Variants in NPEPPS observed in about 807,000 individuals in gnomAD.
NPEPPS encodes the protein puromycin-sensitive aminopeptidase.
In NPEPPS, 14 loss-of-function variants were observed where a neutral mutation model predicts 115.5. The observed-to-expected ratio is 0.12, with a 90% confidence interval of 0.08 to 0.19. The LOEUF is 0.19. NPEPPS is among the 10% of genes least tolerant of loss of function. The pLI is 1.00. For missense variants in NPEPPS, 523 were observed against 1,110.8 expected (o/e 0.47, Z 7.52); for synonymous variants, 285 against 390.6 (o/e 0.73, Z 3.19).
intron 2 of NPEPPS, among the ~76,000 whole-genome samples, chr17:47,556,557 G>A (rs878880948): frequency 2.0e-5 from 3 of 152,000 alleles, no homozygotes; most frequent in Non-Finnish European, 4.4e-5. Flanking sequence ...CGACAAAACC[G>A]CCATCGTCAT....
intron 13 of NPEPPS, 111 bp downstream of exon 13, chr17:47,596,573 G>C: frequency 1.9e-6 from 1 of 522,244 alleles, no homozygotes; most frequent in Non-Finnish European, 3.3e-6. Context: ...ATTTAAACCA[G>C]CCCTGTTACT....
At chr17:47,568,405 A>G (rs1208369324) in intron 2 of NPEPPS, among the ~76,000 whole-genome samples, 1 of 152,078 alleles carries the variant, frequency 6.6e-6, no homozygotes, top group African/African-American at 2.4e-5. Flanking sequence ...TCTTGACCTC[A>G]GGTGATCCAC....
chr17:47,534,661 G>A (rs577046041), intron 1 of NPEPPS, among the ~76,000 whole-genome samples: 8 of 152,072 alleles, frequency 5.3e-5, no homozygotes, highest in South Asian at 2.1e-4. Flanking sequence ...TGCCCCTGCC[G>A]GGTTCAAGCG....
At chr17:47,524,922 A>G (rs2143630406) in intron 1 of NPEPPS, among the ~76,000 whole-genome samples, 1 of 142,110 alleles carries the variant, frequency 7.0e-6, no homozygotes, top group South Asian at 2.2e-4. Context: ...TTAACTTTTT[A>G]TTGATATATA....
intron 4 of NPEPPS, chr17:47,581,165 C>T (rs1459852667): frequency 4.0e-5 from 6 of 151,680 alleles, no homozygotes; most frequent in Non-Finnish European, 8.8e-5. Context: ...TTTCTTCTTC[C>T]TTTGTAGGTA....
At chr17:47,568,157 C>CTT (rs758924751) in intron 2 of NPEPPS, among the ~76,000 whole-genome samples, 23 of 142,926 alleles carry the variant, frequency 1.6e-4, no homozygotes, top group Non-Finnish European at 2.0e-4. Context: ...CTACCTTATA[C>CTT]TTTTTTTTTT....
intron 5 of NPEPPS, among the ~76,000 whole-genome samples, chr17:47,584,979 C>G (rs926518206): frequency 2.6e-5 from 4 of 152,236 alleles, no homozygotes; most frequent in Admixed American, 6.5e-5. Context: ...AGGCACCCCC[C>G]ACCATGCCTG....
chr17:47,621,490 A>G (rs894452259), intron 22 of NPEPPS, among the ~76,000 whole-genome samples: 1 of 152,214 alleles, frequency 6.6e-6, no homozygotes, highest in Non-Finnish European at 1.5e-5. Flanking sequence ...TCCAAAGACT[A>G]TATTTACCAC....
rs764214996 is a variant in NPEPPS at position 47,601,642 on chromosome 17, A to G, written c.1635A>G (p.Thr545=). 4 of 1,612,588 alleles carry G rather than the reference A, an allele frequency of 2.5e-6. No individual in the cohort carries two copies. In the South Asian group the frequency reaches 3.3e-5, roughly 13 times the overall value. ...EDCPQWMVPI[T]ISTSEDPNQA... ...GTCCCCAGTGGATGGTCCCTATCACAATCTCTACTAGTGAAGACCCCAACC... is the reference window on the plus strand; with the variant it reads ...GTCCCCAGTGGATGGTCCCTATCACGATCTCTACTAGTGAAGACCCCAACC... The change falls in exon 15 of 23, where the codon ACA becomes ACG. Residue 545 remains threonine (T), a synonymous_variant. Transcript: ENST00000322157.
intron 19 of NPEPPS, among the ~76,000 whole-genome samples, chr17:47,618,047 T>C (rs1424384449): frequency 6.6e-6 from 1 of 151,090 alleles, no homozygotes; most frequent in African/African-American, 2.4e-5. Context: ...CTAATTTTTT[T>C]TTTTTGTATT....
At chr17:47,529,918 TTTTATTTATTTA>T (rs200538359), upstream of NPEPPS, among the ~76,000 whole-genome samples, 2 of 58,368 alleles carry the variant, frequency 3.4e-5, 1 homozygote, top group Non-Finnish European at 9.0e-5. Flanking sequence ...AAACATCCCA[TTTTATTTATTTA>T]TTTATTTATT....
intron 19 of NPEPPS, among the ~76,000 whole-genome samples, chr17:47,615,400 T>C (rs1279592622): frequency 6.6e-6 from 1 of 152,068 alleles, no homozygotes; most frequent in African/African-American, 2.4e-5. Flanking sequence ...ATAAAAGTTA[T>C]ATTTGGGAGA....
chr17:47,596,491 T>C, intron 13 of NPEPPS, 29 bp downstream of exon 13: 4 of 1,412,762 alleles, frequency 2.8e-6, no homozygotes, highest in Non-Finnish European at 3.9e-6. Context: ...TCCATTTGTC[T>C]GATATTGTAT....
chr17:47,595,529 T>C (rs1284189406), intron 12 of NPEPPS, among the ~76,000 whole-genome samples: 1 of 152,208 alleles, frequency 6.6e-6, no homozygotes, highest in African/African-American at 2.4e-5. Context: ...ATTAGAATGA[T>C]TAAGTATATC....
rs185092856 is a variant in NPEPPS at position 47,621,758 on chromosome 17, T to C, written c.2608-10T>C. The C allele has an allele frequency of 8.1e-6, 13 of 1,601,438 alleles. No homozygotes were observed. In the African/African-American group the frequency reaches 1.5e-4, roughly 18 times the overall value. On this transcript the variant is annotated splice_polypyrimidine_tract_variant and intron_variant, in intron 22 of 22. Transcript: ENST00000322157. ...GTAATGATCCTGCATTCTGGGTTGT[T>C]TTATACCAGGCTTTCTTCGAGAGTC...
intron 6 of NPEPPS, 81 bp downstream of exon 6, chr17:47,585,781 C>T (rs1912142174): frequency 5.9e-6 from 6 of 1,009,782 alleles, no homozygotes; most frequent in Admixed American, 1.9e-5. Context: ...ATTATTAGTA[C>T]AGTTATTTAT....
intron 2 of NPEPPS, among the ~76,000 whole-genome samples, chr17:47,561,458 C>T (rs1910424141): frequency 6.6e-6 from 1 of 151,726 alleles, no homozygotes; most frequent in South Asian, 2.1e-4. Context: ...CTGTTATTTC[C>T]TAAGTGACTA....
chr17:47,620,850 T>C (rs1168062640), intron 22 of NPEPPS, among the ~76,000 whole-genome samples: 2 of 152,216 alleles, frequency 1.3e-5, no homozygotes, highest in East Asian at 3.8e-4. Context: ...TATTCAACTT[T>C]TAATCATTAA....
At chr17:47,530,448 C>A (rs2143643658), upstream of NPEPPS, among the ~76,000 whole-genome samples, 1 of 145,306 alleles carries the variant, frequency 6.9e-6, no homozygotes, top group Non-Finnish European at 1.5e-5. Flanking sequence ...GCTCCGCCTC[C>A]CGGGTTCACG....
Sources: gnomAD v4.1 joint callset for allele counts (sites outside exome capture counted in the v4.1 genomes callset) on GRCh38, gnomAD v4.1.1 for gene constraint, MANE v1.5 for transcripts, NCBI Gene and HGNC (gene_info 2026-07-23, HGNC 2026-07-21) for gene names.